MCM3AP: variants seen among roughly 807,000 people sequenced by gnomAD.
MCM3AP encodes germinal-center associated nuclear protein.
A neutral mutation model predicts 184.1 loss-of-function variants in MCM3AP; 126 were observed. That is an observed-to-expected ratio of 0.68 (90% CI 0.59 to 0.79). The LOEUF is 0.79. Ranked by LOEUF, MCM3AP falls within the 30% of genes least tolerant of loss-of-function variation. MCM3AP has a pLI of 0.00. For missense variants in MCM3AP, 2,496 were observed against 2,479.2 expected (o/e 1.01, Z -0.14); for synonymous variants, 1,002 against 979.3 (o/e 1.02, Z -0.43).
Position 46,261,461 on chromosome 21 carries a change from G to A in MCM3AP, c.3336-50C>T, listed in dbSNP as rs17182920. 2,748 of 1,590,856 alleles carry A rather than the reference G, an allele frequency of 1.7e-3. 60 individuals are homozygous for A. The African/African-American group carries it at 0.033, about 19-fold the overall frequency. On this transcript the variant is annotated intron_variant, in intron 13 of 27. Transcript: ENST00000291688. ...TTCAAAATCAGAGTCAAGGCCGGGT[G>A]CGGTGGCTCACGCCTGTAATCCCAG... is the stretch of plus-strand genomic sequence containing the variant.
intron 19 of MCM3AP, 152 bp downstream of exon 19, chr21:46,254,240 T>A: frequency 1.3e-6 from 1 of 792,562 alleles, no homozygotes; most frequent in Non-Finnish European, 2.0e-6. Context: ...CTTAAAATCA[T>A]GAGCAAAACA....
At chr21:46,237,821 T>G (rs1325382982) in intron 26 of MCM3AP, among the ~76,000 whole-genome samples, 2 of 115,980 alleles carry the variant, frequency 1.7e-5, no homozygotes, top group Non-Finnish European at 3.6e-5. Context: ...AAAACTAGGC[T>G]GGGCTCGGTG....
Position 46,244,796 on chromosome 21 carries a change from C to A in MCM3AP, c.5038+11G>T, listed in dbSNP as rs1367130310. 1.3e-6 allele frequency: 2 copies of A among 1,599,508 alleles called. No individual in the cohort carries two copies. Among genetic ancestry groups the A allele is most frequent in the East Asian group, 2.2e-5 (1 of 44,736 alleles). ...AGCCACCCACCAGACCTCCCCAGGTCAAGCACGTACCCCCCAGGGGTGGAA... is the reference window on the plus strand; with the variant it reads ...AGCCACCCACCAGACCTCCCCAGGTAAAGCACGTACCCCCCAGGGGTGGAA... On this transcript the variant is annotated intron_variant, in intron 23 of 27. Coordinates refer to ENST00000291688, the MANE Select transcript of MCM3AP (RefSeq NM_003906.5).
At chr21:46,257,324 A>G (rs1314068943) in intron 16 of MCM3AP, among the ~76,000 whole-genome samples, 1 of 151,682 alleles carries the variant, frequency 6.6e-6, no homozygotes, top group Non-Finnish European at 1.5e-5. Context: ...AAATACAAAA[A>G]ATTAGCCGGG....
At chr21:46,251,867 G>C in intron 19 of MCM3AP, 185 bp from the exon 20 acceptor site, 2 of 390,428 alleles carry the variant, frequency 5.1e-6, no homozygotes, top group East Asian at 7.5e-5. Context: ...ATGGAGCAAC[G>C]ATCTGTACTC....
Position 46,245,317 on chromosome 21 carries a change from A to T in MCM3AP, c.4648-120T>A, listed in dbSNP as rs17183234. ...GGTAATACCAGAGTACTGGGCTCTCAACTGTGGTAGGAAGGGGAACAGAAG... is the reference window on the plus strand; with the variant it reads ...GGTAATACCAGAGTACTGGGCTCTCTACTGTGGTAGGAAGGGGAACAGAAG... On this transcript the variant is annotated intron_variant, in intron 22 of 27. Transcript: ENST00000291688. The T allele has an allele frequency of 2.3e-3, 1,988 of 864,764 alleles. 26 individuals are homozygous for T. The highest frequency in any genetic ancestry group is 0.013 in the South Asian group (750 of 56,800). The allele number at this position is 864,764 out of a possible 1,614,324, so 53.6% of individuals were successfully genotyped here.
At chr21:46,263,635 T>G (rs974706007) in intron 13 of MCM3AP, among the ~76,000 whole-genome samples, 15 of 150,718 alleles carry the variant, frequency 1.0e-4, no homozygotes, top group South Asian at 2.1e-4. Context: ...AATAAAAAAA[T>G]TAGCCAGGCT....
chr21:46,266,695 G>GA (rs1306988343), intron 10 of MCM3AP: 6 of 398,144 alleles, frequency 1.5e-5, no homozygotes, highest in African/African-American at 1.0e-4. Context: ...GCAGTCAAGG[G>GA]AAAGAATAAA....
chr21:46,276,730 C>T (rs2081260239), intron 5 of MCM3AP, among the ~76,000 whole-genome samples: 1 of 146,464 alleles, frequency 6.8e-6, no homozygotes, highest in Non-Finnish European at 1.5e-5. Context: ...CGTGAGCCAC[C>T]ACGCCCAGCA....
intron 9 of MCM3AP, among the ~76,000 whole-genome samples, chr21:46,269,187 C>T (rs954967320): frequency 6.6e-6 from 1 of 151,776 alleles, no homozygotes; most frequent in African/African-American, 2.4e-5. Flanking sequence ...GATCTTGGCT[C>T]ACTGCAGCCT....
intron 2 of MCM3AP, among the ~76,000 whole-genome samples, chr21:46,281,168 G>A (rs2081327393): frequency 6.6e-6 from 1 of 152,066 alleles, no homozygotes; most frequent in Admixed American, 6.6e-5. Flanking sequence ...TTGGCATTTG[G>A]TGAGATGATT....
chr21:46,276,586 C>A (rs1224276189), intron 5 of MCM3AP, among the ~76,000 whole-genome samples: 1 of 150,640 alleles, frequency 6.6e-6, no homozygotes, highest in Non-Finnish European at 1.5e-5. Flanking sequence ...GGATTACAGG[C>A]ATGTGCCACC....
chr21:46,273,689 A>T, intron 6 of MCM3AP, 104 bp from the exon 7 acceptor site: 1 of 757,776 alleles, frequency 1.3e-6, no homozygotes, highest in Non-Finnish European at 2.2e-6. Flanking sequence ...CCCACACAAG[A>T]TCAGTATTTG....
In MCM3AP at chr21:46,261,332, A is replaced by G; in HGVS notation, c.3415T>C (p.Ser1139Pro). The G allele has an allele frequency of 6.2e-7, 1 of 1,614,086 alleles. No homozygotes were observed. The highest frequency in any genetic ancestry group is 8.5e-7 in the Non-Finnish European group (1 of 1,180,004). Reference protein sequence around the residue: ...ILRHIAAEEVSKERERREQER... With the variant: ...ILRHIAAEEVPKERERREQER... ...TGCTCCCTTCGCTCTCTTTCCTTAG[A>G]CACTTCTTCAGCTGCAATGTGCCTC... The change falls in exon 14 of 28, where the codon TCT (serine) becomes CCT (proline). Residue 1139 changes from serine to proline, a missense_variant. Physicochemically the swap from Ser to Pro is moderately conservative, Grantham distance 74. This residue lies in a region of MCM3AP where 1,323 missense variants were observed against 1,273.4 expected (regional missense o/e 1.04). Coordinates refer to ENST00000291688, the MANE Select transcript of MCM3AP (RefSeq NM_003906.5).
chr21:46,259,016 CA>C lies in MCM3AP; in HGVS notation c.3656del (p.Leu1219CysfsTer38). The stretch of plus-strand genomic sequence containing the variant: ...TCTGGAAGATTTCCTCCACGAGAAA[CA>C]AGTCCACTAAGTGGGCACAGACATC... The part of the protein sequence containing the change: ...CEDVCAHLVD[L>X]FLVEEIFQTA... On this transcript the variant is annotated frameshift_variant, in exon 16 of 28. Coordinates refer to ENST00000291688, the MANE Select transcript of MCM3AP (RefSeq NM_003906.5). LOFTEE classifies it high-confidence loss of function. The C allele has an allele frequency of 6.2e-7, 1 of 1,614,096 alleles. No individual in the cohort carries two copies. The highest frequency in any genetic ancestry group is 8.5e-7 in the Non-Finnish European group (1 of 1,180,000).
chr21:46,248,415 G>A (rs1163741403), intron 20 of MCM3AP, among the ~76,000 whole-genome samples: 2 of 152,166 alleles, frequency 1.3e-5, no homozygotes, highest in East Asian at 3.8e-4. Flanking sequence ...GAACAGTCTA[G>A]GGAACAGCCA....
At chr21:46,278,645 C>T (rs1274615838) in intron 4 of MCM3AP, among the ~76,000 whole-genome samples, 3 of 151,910 alleles carry the variant, frequency 2.0e-5, no homozygotes, top group Non-Finnish European at 2.9e-5. Context: ...GCTGCACCTG[C>T]AAAAAGTCAT....
Position 46,275,233 on chromosome 21 carries a change from T to C in MCM3AP, c.1951A>G (p.Thr651Ala), listed in dbSNP as rs756170283. The C allele has an allele frequency of 6.2e-7, 1 of 1,613,942 alleles. No homozygotes were observed. The highest frequency in any genetic ancestry group is 1.1e-5 in the South Asian group (1 of 91,032). The change falls in exon 6 of 28, where the codon ACC (threonine) becomes GCC (alanine). Residue 651 changes from threonine (T) to alanine (A), a missense_variant. By Grantham distance (58) the Thr-to-Ala change is moderately conservative (BLOSUM62 0). Coordinates refer to ENST00000291688, the MANE Select transcript of MCM3AP (RefSeq NM_003906.5). Reference sequence around the variant, plus strand: ...TCGAACACGCTCAGCTGGCTACGGGTCTCCCGCATGTACCTCTCCTTCTCA... The same window carrying C: ...TCGAACACGCTCAGCTGGCTACGGGCCTCCCGCATGTACCTCTCCTTCTCA... ...CPEKERYMRE[T>A]RSQLSVFEVV...
chr21:46,285,253 G>A lies in MCM3AP; in HGVS notation c.34C>T (p.Pro12Ser), dbSNP rs758793845. ...CTAGAAGACGCCGAAAAAGCACTAG[G>A]CTGCTGCCCACTGAAAGGATTAGTT... ...NPTNPFSGQQ[P>S]SAFSASSSNV... Residue 12 changes from proline to serine, a missense_variant, in exon 1 of 28, where the codon CCT (proline) becomes TCT (serine). Physicochemically the swap from Pro to Ser is moderately conservative, Grantham distance 74. Transcript: ENST00000291688. 36 of 1,613,908 alleles carry A rather than the reference G, an allele frequency of 2.2e-5. No homozygotes were observed. The highest frequency in any genetic ancestry group is 8.9e-5 in the East Asian group (4 of 44,900).
Sources: gnomAD v4.1 joint callset for allele counts (sites outside exome capture counted in the v4.1 genomes callset) on GRCh38, gnomAD v4.1.1 for gene constraint, gnomAD v4.1.1 regional missense constraint, MANE v1.5 for transcripts, NCBI Gene and HGNC (gene_info 2026-07-23, HGNC 2026-07-21) for gene names.